The following RABGAP1L variants were observed in gnomAD, a reference collection of about 807,000 sequenced individuals.
RABGAP1L encodes rab GTPase-activating protein 1-like.
RABGAP1L carries 63 observed loss-of-function variants against 137.7 expected under a neutral mutation model. That is an observed-to-expected ratio of 0.46 (90% CI 0.37 to 0.56). The LOEUF (loss-of-function observed/expected upper bound fraction) is 0.56. Ranked by LOEUF, RABGAP1L falls within the 20% of genes least tolerant of loss-of-function variation. The pLI is 0.00. For missense variants in RABGAP1L, 1,095 were observed against 1,244.0 expected (o/e 0.88, Z 1.80); for synonymous variants, 431 against 433.7 (o/e 0.99, Z 0.08).
chr1:174,398,649 C>T (rs1160384168), intron 13 of RABGAP1L, among the ~76,000 whole-genome samples: 3 of 152,244 alleles, frequency 2.0e-5, no homozygotes, highest in Admixed American at 2.0e-4. Context: ...ACAACAACTC[C>T]ATCTATATAT....
intron 19 of RABGAP1L, among the ~76,000 whole-genome samples, chr1:174,854,309 A>C (rs1470499967): frequency 2.0e-5 from 3 of 152,192 alleles, no homozygotes; most frequent in Non-Finnish European, 4.4e-5. Context: ...GCAGGAAAGC[A>C]GGTAATACAC....
chr1:174,371,884 T>C (rs557120124), intron 12 of RABGAP1L, among the ~76,000 whole-genome samples: 29 of 152,190 alleles, frequency 1.9e-4, no homozygotes, highest in Non-Finnish European at 4.1e-4. Context: ...TGATAGTCTG[T>C]ATGCATCTTG....
intron 13 of RABGAP1L, among the ~76,000 whole-genome samples, chr1:174,577,206 A>T (rs1425741806): frequency 1.6e-5 from 2 of 125,954 alleles, no homozygotes; most frequent in African/African-American, 6.2e-5. Flanking sequence ...TTAGGGGGAA[A>T]AAATACACAC....
chr1:174,492,372 G>T (rs1228299598), intron 13 of RABGAP1L, among the ~76,000 whole-genome samples: 1 of 142,268 alleles, frequency 7.0e-6, no homozygotes, highest in African/African-American at 2.8e-5. Flanking sequence ...TTTTGAGATG[G>T]AGTCTCGCTC....
chr1:174,434,332 A>G (rs1288882405), intron 13 of RABGAP1L, among the ~76,000 whole-genome samples: 1 of 151,812 alleles, frequency 6.6e-6, no homozygotes, highest in African/African-American at 2.4e-5. Flanking sequence ...GCTATATTTC[A>G]TTGTATGGAA....
chr1:174,380,646 A>G (rs1243224878), intron 12 of RABGAP1L, among the ~76,000 whole-genome samples: 1 of 151,180 alleles, frequency 6.6e-6, no homozygotes, highest in African/African-American at 2.4e-5. Flanking sequence ...CCCCTTTATC[A>G]TTTTTTATTG....
chr1:174,762,511 C>T (rs1685307079), intron 18 of RABGAP1L, among the ~76,000 whole-genome samples: 1 of 152,194 alleles, frequency 6.6e-6, no homozygotes, highest in South Asian at 2.1e-4. Context: ...CACAGGTTCC[C>T]TTTGTCTTCT....
intron 1 of RABGAP1L, among the ~76,000 whole-genome samples, chr1:174,187,512 G>A (rs2148322401): frequency 6.6e-6 from 1 of 152,170 alleles, no homozygotes; most frequent in Middle Eastern, 3.4e-3. Flanking sequence ...ATGCCACTTA[G>A]TCATCTCATT....
chr1:174,598,411 A>G (rs1670145633), intron 13 of RABGAP1L, among the ~76,000 whole-genome samples: 1 of 151,856 alleles, frequency 6.6e-6, no homozygotes, highest in African/African-American at 2.4e-5. Context: ...GCTGGATGAA[A>G]TATCTATTAG....
At chr1:174,615,285 C>G (rs1345564541) in intron 13 of RABGAP1L, among the ~76,000 whole-genome samples, 10 of 152,110 alleles carry the variant, frequency 6.6e-5, no homozygotes, top group Admixed American at 6.5e-4. Flanking sequence ...GTTAGTTTTC[C>G]TTCTAACAGA....
intron 11 of RABGAP1L, among the ~76,000 whole-genome samples, chr1:174,312,120 T>A (rs1197887601): frequency 1.3e-5 from 2 of 152,208 alleles, no homozygotes; most frequent in Admixed American, 1.3e-4. Flanking sequence ...AGCAGTGGGA[T>A]TGCTGGATCA....
intron 13 of RABGAP1L, among the ~76,000 whole-genome samples, chr1:174,429,768 G>A (rs1006167707): frequency 1.8e-5 from 2 of 113,000 alleles, no homozygotes; most frequent in Non-Finnish European, 3.6e-5. Flanking sequence ...TAAAAATAAA[G>A]ATAAACCAGT....
At chr1:174,465,019 A>G (rs1657127955) in intron 13 of RABGAP1L, among the ~76,000 whole-genome samples, 1 of 152,072 alleles carries the variant, frequency 6.6e-6, no homozygotes, top group Non-Finnish European at 1.5e-5. Context: ...TCCTATTGAC[A>G]TAGGATCAAA....
At chr1:174,274,297 A>G (rs1189547848) in intron 8 of RABGAP1L, among the ~76,000 whole-genome samples, 1 of 152,132 alleles carries the variant, frequency 6.6e-6, no homozygotes, top group Non-Finnish European at 1.5e-5. Flanking sequence ...CTTATATATA[A>G]CAGTCATATG....
chr1:174,563,964 AT>A (rs1223347195), intron 13 of RABGAP1L, among the ~76,000 whole-genome samples: 5 of 152,046 alleles, frequency 3.3e-5, no homozygotes, highest in Non-Finnish European at 7.4e-5. Context: ...CTTTTTCAAA[AT>A]ATTTATTACT....
At chr1:174,694,306 G>A (rs534298803) in intron 15 of RABGAP1L, among the ~76,000 whole-genome samples, 5,765 of 150,510 alleles carry the variant, frequency 0.038, 146 homozygotes, top group Non-Finnish European at 0.06. Context: ...CCACTAACTC[G>A]TCATCTAGCA....
chr1:174,304,591 T>C (rs981902280), intron 10 of RABGAP1L, among the ~76,000 whole-genome samples: 1 of 152,162 alleles, frequency 6.6e-6, no homozygotes, highest in African/African-American at 2.4e-5. Flanking sequence ...GGTATGCATG[T>C]GGTTCCCCAA....
intron 14 of RABGAP1L, among the ~76,000 whole-genome samples, chr1:174,652,057 T>C (rs920348908): frequency 2.0e-5 from 3 of 152,116 alleles, no homozygotes; most frequent in South Asian, 4.1e-4. Flanking sequence ...TCAGCATTTG[T>C]TTGTCTGTAA....
At chr1:174,656,581 C>A (rs573390896) in intron 14 of RABGAP1L, among the ~76,000 whole-genome samples, 14 of 152,270 alleles carry the variant, frequency 9.2e-5, no homozygotes, top group African/African-American at 3.1e-4. Context: ...AACCTTATAC[C>A]CATTAGAAAT....
Sources: gnomAD v4.1 joint callset for allele counts (sites outside exome capture counted in the v4.1 genomes callset) on GRCh38, gnomAD v4.1.1 for gene constraint, MANE v1.5 for transcripts, NCBI Gene and HGNC (gene_info 2026-07-23, HGNC 2026-07-21) for gene names.